Variants in LRP1B observed in about 807,000 individuals in gnomAD.
LRP1B encodes the protein LDL receptor related protein 1B, also known as low-density lipoprotein receptor-related protein 1B.
Under a neutral mutation model 556.6 loss-of-function variants are expected in LRP1B, and 217 were observed. The ratio of observed to expected loss-of-function variants is 0.39; its 90% CI spans 0.35 to 0.44. The LOEUF (loss-of-function observed/expected upper bound fraction) is 0.44. LRP1B is among the 20% of genes least tolerant of loss of function. LRP1B has a pLI of 1.00. For missense variants in LRP1B, 5,053 were observed against 5,620.8 expected, an observed-to-expected ratio of 0.90 and a Z score of 3.23; for synonymous variants, 2,047 against 1,865.8, an observed-to-expected ratio of 1.10 and a Z score of -2.50.
chr2:140,393,007 G>C (rs1269549855), intron 66 of LRP1B, among the ~76,000 whole-genome samples: 2 of 151,216 alleles, frequency 1.3e-5, no homozygotes, highest in African/African-American at 4.9e-5. Context: ...ATAGCTCACT[G>C]CAACCTCGAC....
At chr2:141,754,941 AAAG>A (rs1174784660) in intron 2 of LRP1B, among the ~76,000 whole-genome samples, 6 of 152,130 alleles carry the variant, frequency 3.9e-5, no homozygotes, top group African/African-American at 1.4e-4. Flanking sequence ...AATAGTTCCT[AAAG>A]AAGATTTGGA....
intron 1 of LRP1B, among the ~76,000 whole-genome samples, chr2:142,045,839 C>T (rs1030808809): frequency 6.6e-6 from 1 of 151,846 alleles, no homozygotes; most frequent in African/African-American, 2.4e-5. Flanking sequence ...GAGCCTCCGT[C>T]TCTTTGGCAA....
chr2:141,244,142 ACT>A (rs1683984009), intron 5 of LRP1B, among the ~76,000 whole-genome samples: 1 of 152,082 alleles, frequency 6.6e-6, no homozygotes. Flanking sequence ...CAGCTGATTA[ACT>A]CTGCCTCTCT....
intron 2 of LRP1B, among the ~76,000 whole-genome samples, chr2:141,604,947 C>T (rs1328606841): frequency 6.6e-6 from 1 of 152,058 alleles, no homozygotes; most frequent in Non-Finnish European, 1.5e-5. Context: ...GGCTGGGGTA[C>T]ACCCAGCCCA....
In LRP1B at chr2:141,282,495, G is replaced by GTATATC. The variant is rs1685546084; in HGVS notation, c.344-27855_344-27854insGATATA. ...TGTATATGTATATGTATATGTATAT[G>GTATATC]TATATGTATATGTATATGTATATCT... On this transcript the variant is annotated intron_variant, in intron 3 of 90. Coordinates refer to ENST00000389484, the MANE Select transcript of LRP1B (RefSeq NM_018557.3). Among the ~76,000 whole-genome samples, 17 of 146,148 alleles carry GTATATC rather than the reference G, an allele frequency of 1.2e-4. No individual in the cohort carries two copies. In the South Asian group the frequency reaches 2.8e-3, roughly 24 times the overall value.
intron 2 of LRP1B, among the ~76,000 whole-genome samples, chr2:141,746,011 A>G (rs1005197668): frequency 2.0e-5 from 3 of 152,024 alleles, no homozygotes; most frequent in Non-Finnish European, 4.4e-5. Flanking sequence ...ATCAAAGAGG[A>G]CTTCAATGCA....
At chr2:141,303,887 A>G (rs904083322) in intron 3 of LRP1B, among the ~76,000 whole-genome samples, 2 of 152,162 alleles carry the variant, frequency 1.3e-5, no homozygotes, top group African/African-American at 2.4e-5. Flanking sequence ...CCAACAATGT[A>G]TGAGTTTTCT....
At chr2:140,816,842 A>C (rs867296986) in intron 31 of LRP1B, among the ~76,000 whole-genome samples, 4 of 152,166 alleles carry the variant, frequency 2.6e-5, no homozygotes, top group Admixed American at 6.5e-5. Context: ...TTATTAATGC[A>C]AATGTTTTTG....
chr2:141,057,688 G>C lies in LRP1B; in HGVS notation c.1408+1195C>G, dbSNP rs140358584. Among the ~76,000 whole-genome samples the C allele has an allele frequency of 2.2e-3, 338 of 151,960 alleles. 4 individuals are homozygous for C. Among genetic ancestry groups the C allele is most frequent in the African/African-American group, 7.4e-3 (309 of 41,510 alleles). Reference sequence around the variant, plus strand: ...GACTTGCTCCTCCTTGCCTTCTGCTGTGATTGTGAGGTTTCCCCAGCCATG... The same window carrying C: ...GACTTGCTCCTCCTTGCCTTCTGCTCTGATTGTGAGGTTTCCCCAGCCATG... On this transcript the variant is annotated intron_variant, in intron 9 of 90. Coordinates refer to ENST00000389484, the MANE Select transcript of LRP1B (RefSeq NM_018557.3).
At chr2:140,264,969 G>A (rs972155598) in intron 86 of LRP1B, among the ~76,000 whole-genome samples, 1 of 151,980 alleles carries the variant, frequency 6.6e-6, no homozygotes, top group African/African-American at 2.4e-5. Context: ...GTGAGTATAT[G>A]TGTGTGTGTG....
intron 44 of LRP1B, 23 bp from the exon 45 acceptor site, chr2:140,541,121 G>A (rs1413762162): frequency 3.8e-6 from 6 of 1,581,856 alleles, no homozygotes; most frequent in Non-Finnish European, 1.7e-6. Context: ...GGGTGTATTG[G>A]TAACATTTTA....
At chr2:141,655,578 C>A (rs1689974670) in intron 2 of LRP1B, among the ~76,000 whole-genome samples, 2 of 152,034 alleles carry the variant, frequency 1.3e-5, no homozygotes. Context: ...TATTATTTAT[C>A]AAGTACCATA....
At chr2:141,159,449 C>G (rs1170812540) in intron 7 of LRP1B, among the ~76,000 whole-genome samples, 2 of 151,992 alleles carry the variant, frequency 1.3e-5, no homozygotes, top group Non-Finnish European at 2.9e-5. Flanking sequence ...CCAGGCTGGA[C>G]GTGAAGCCCT....
intron 23 of LRP1B, chr2:140,898,786 C>A (rs76665820): frequency 5.3e-6 from 3 of 561,102 alleles, no homozygotes; most frequent in Admixed American, 2.1e-5. Flanking sequence ...CAACTGGGAG[C>A]GCTATCACCC....
chr2:142,109,898 A>G (rs1389848507), intron 1 of LRP1B, among the ~76,000 whole-genome samples: 3 of 152,142 alleles, frequency 2.0e-5, no homozygotes, highest in African/African-American at 7.2e-5. Flanking sequence ...CAGGCCCCTT[A>G]CCTGAAGAGA....
At chr2:141,640,538 C>T (rs1463244758) in intron 2 of LRP1B, among the ~76,000 whole-genome samples, 1 of 152,164 alleles carries the variant, frequency 6.6e-6, no homozygotes, top group African/African-American at 2.4e-5. Context: ...GGAGCAGTGA[C>T]TCAAACCTGT....
intron 2 of LRP1B, among the ~76,000 whole-genome samples, chr2:141,709,255 A>G (rs1036097493): frequency 6.6e-6 from 1 of 152,080 alleles, no homozygotes; most frequent in African/African-American, 2.4e-5. Context: ...AGGCTGAGGC[A>G]GGAGAATTGC....
At chr2:140,240,681 A>G (rs1213093465) in intron 87 of LRP1B, among the ~76,000 whole-genome samples, 1 of 150,932 alleles carries the variant, frequency 6.6e-6, no homozygotes, top group Non-Finnish European at 1.5e-5. Flanking sequence ...TGACAAGTCA[A>G]CTTAATCACT....
chr2:141,881,147 T>C (rs1235331277), intron 1 of LRP1B, among the ~76,000 whole-genome samples: 4 of 152,032 alleles, frequency 2.6e-5, no homozygotes, highest in African/African-American at 4.8e-5. Context: ...AAATATGGTA[T>C]GGCTCCAAAA....
Sources: gnomAD v4.1 joint callset for allele counts (sites outside exome capture counted in the v4.1 genomes callset) on GRCh38, gnomAD v4.1.1 for gene constraint, MANE v1.5 for transcripts, NCBI Gene and HGNC (gene_info 2026-07-23, HGNC 2026-07-21) for gene names.